Variants in PELI2 observed in about 807,000 individuals in gnomAD.
PELI2 encodes E3 ubiquitin-protein ligase pellino homolog 2.
In PELI2, 23 loss-of-function variants were observed where a neutral mutation model predicts 42.3. The ratio of observed to expected loss-of-function variants is 0.54; its 90% CI spans 0.39 to 0.77. PELI2 has a LOEUF of 0.77. Among genes scored for constraint, PELI2 ranks in the 30% least tolerant of loss-of-function variants. The pLI, the probability that PELI2 is intolerant of heterozygous loss-of-function variation, is 0.00. For missense variants in PELI2, 463 were observed against 553.2 expected (o/e 0.84, Z 1.64); for synonymous variants, 245 against 212.2 (o/e 1.15, Z -1.34).
intron 1 of PELI2, among the ~76,000 whole-genome samples, chr14:56,154,039 C>T (rs138457827): frequency 6.6e-6 from 1 of 152,062 alleles, no homozygotes; most frequent in African/African-American, 2.4e-5. Context: ...TTTAAATATA[C>T]TCAATATAGA....
At chr14:56,215,352 A>G (rs1429088304) in intron 2 of PELI2, among the ~76,000 whole-genome samples, 1 of 152,194 alleles carries the variant, frequency 6.6e-6, no homozygotes, top group Non-Finnish European at 1.5e-5. Flanking sequence ...CTGTAGCGAA[A>G]CATAACACAC....
intron 5 of PELI2, among the ~76,000 whole-genome samples, chr14:56,293,654 G>A (rs951560315): frequency 6.6e-6 from 1 of 152,152 alleles, no homozygotes; most frequent in African/African-American, 2.4e-5. Context: ...CTAATTGCAT[G>A]GTCTGGAGGA....
chr14:56,190,186 C>T (rs2139686372), intron 2 of PELI2, among the ~76,000 whole-genome samples: 1 of 152,278 alleles, frequency 6.6e-6, no homozygotes, highest in East Asian at 1.9e-4. Flanking sequence ...ACCACTTCAT[C>T]AGCAGTTTTT....
intron 1 of PELI2, among the ~76,000 whole-genome samples, chr14:56,174,327 T>G (rs1409695467): frequency 6.6e-6 from 1 of 152,244 alleles, no homozygotes; most frequent in Non-Finnish European, 1.5e-5. Flanking sequence ...TTTCTTCCAG[T>G]TCCTCCTGCA....
rs374503506 is a variant in PELI2 at position 56,194,052 on chromosome 14, C to T, written c.207+15588C>T. Among the ~76,000 whole-genome samples the T allele has an allele frequency of 4.6e-5, 7 of 152,174 alleles. No homozygotes were observed. In the East Asian group the frequency reaches 5.8e-4, roughly 13 times the overall value. ...AGAAGTTGATACAAGTCTTTTACAA[C>T]GTTGTTCTTTTTTTAAATCTAGTAA... On this transcript the variant is annotated intron_variant, in intron 2 of 5. Transcript: ENST00000267460.
chr14:56,118,816 G>T, intron 1 of PELI2, 79 bp downstream of exon 1: 1 of 981,314 alleles, frequency 1.0e-6, no homozygotes, highest in South Asian at 1.9e-5. Flanking sequence ...TGGCGGGGTG[G>T]CTCGGTGCTC....
intron 3 of PELI2, among the ~76,000 whole-genome samples, chr14:56,282,547 T>C (rs1456033634): frequency 6.6e-6 from 1 of 152,028 alleles, no homozygotes; most frequent in Non-Finnish European, 1.5e-5. Flanking sequence ...TTTTACACTT[T>C]TCGATTTTTG....
chr14:56,288,334 G>A lies in PELI2; in HGVS notation c.310-103G>A, dbSNP rs372341463. 191 of 821,866 alleles carry A rather than the reference G, an allele frequency of 2.3e-4. 1 individual carries two copies. The East Asian group carries it at 4.5e-3, about 19-fold the overall frequency. 50.9% of individuals were successfully genotyped at this position (821,866 alleles called of 1,614,324 possible). Reference sequence around the variant, plus strand: ...CATTAAATTCTAACCCTCAGAACAAGGATAGTGAATGTTAAAGGAATCCTG... The same window carrying A: ...CATTAAATTCTAACCCTCAGAACAAAGATAGTGAATGTTAAAGGAATCCTG... On this transcript the variant is annotated intron_variant, in intron 3 of 5. Transcript: ENST00000267460. The surrounding 1 kb of genome is among the most constrained non-coding windows in gnomAD (Gnocchi z 4.6).
At chr14:56,264,358 C>T (rs139391370) in intron 2 of PELI2, among the ~76,000 whole-genome samples, 1 of 152,246 alleles carries the variant, frequency 6.6e-6, no homozygotes, top group East Asian at 1.9e-4. Flanking sequence ...GTTAGATTAT[C>T]ATTGTTCAGT....
chr14:56,247,526 C>A (rs1888205700), intron 2 of PELI2, among the ~76,000 whole-genome samples: 1 of 152,088 alleles, frequency 6.6e-6, no homozygotes, highest in Non-Finnish European at 1.5e-5. Context: ...TTACATTTGG[C>A]CTGTTTTTAT....
At chr14:56,190,669 G>A (rs1056833602) in intron 2 of PELI2, among the ~76,000 whole-genome samples, 13 of 152,106 alleles carry the variant, frequency 8.5e-5, no homozygotes, top group African/African-American at 2.9e-4. Context: ...ATTTGTGAGC[G>A]AAATAACCTC....
At position 56,288,851 on chromosome 14, in the gene PELI2, T is replaced by C. The variant is rs1889729682; in HGVS notation, c.507+217T>C. Among the ~76,000 whole-genome samples, 1 of 152,200 alleles carries C rather than the reference T, an allele frequency of 6.6e-6. No individual in the cohort carries two copies. Among genetic ancestry groups the C allele is most frequent in the Admixed American group, 6.5e-5 (1 of 15,284 alleles). ...TCATTATATTTTTTATATTGTAATA[T>C]TTACAGTAAGTACTTTTTTTAAAGT... On this transcript the variant is annotated intron_variant, in intron 4 of 5. Coordinates refer to ENST00000267460, the MANE Select transcript of PELI2 (RefSeq NM_021255.3). This position sits in a 1 kb window ranked among gnomAD's most constrained non-coding sequence, Gnocchi z 4.6.
chr14:56,217,844 A>G (rs145710728), intron 2 of PELI2, among the ~76,000 whole-genome samples: 104 of 152,082 alleles, frequency 6.8e-4, no homozygotes, highest in African/African-American at 2.5e-3. Context: ...ACAGTGTTAT[A>G]CTCACCAGCT....
At position 56,297,208 on chromosome 14, in the gene PELI2, T is replaced by A; in HGVS notation, c.*42T>A. On this transcript the variant is annotated 3_prime_UTR_variant, in exon 6 of 6. Transcript: ENST00000267460. ...CTACGACTTTATTAACAGGTTACTGTGAAGATTTTGCCACTAACTCTAGAT... is the reference window on the plus strand; with the variant it reads ...CTACGACTTTATTAACAGGTTACTGAGAAGATTTTGCCACTAACTCTAGAT... The A allele has an allele frequency of 2.1e-6, 3 of 1,402,332 alleles. No individual in the cohort carries two copies. The highest frequency in any genetic ancestry group is 2.9e-6 in the Non-Finnish European group (3 of 1,024,638). 86.9% of individuals were successfully genotyped at this position (1,402,332 alleles called of 1,614,324 possible).
At chr14:56,226,851 T>G (rs1320489567) in intron 2 of PELI2, among the ~76,000 whole-genome samples, 2 of 152,238 alleles carry the variant, frequency 1.3e-5, no homozygotes, top group Non-Finnish European at 2.9e-5. Context: ...TATTAGCACT[T>G]TAAAAACTCA....
At chr14:56,169,888 A>G (rs1885104412) in intron 1 of PELI2, among the ~76,000 whole-genome samples, 1 of 152,210 alleles carries the variant, frequency 6.6e-6, no homozygotes, top group Admixed American at 6.5e-5. Flanking sequence ...AGGTTAAATA[A>G]TAAGAGGGTT....
In PELI2 at chr14:56,142,475, C is replaced by T. The variant is rs1417394352; in HGVS notation, c.77+23738C>T. Among the ~76,000 whole-genome samples, 3 of 152,282 alleles carry T rather than the reference C, an allele frequency of 2.0e-5. No homozygotes were observed. The East Asian group carries it at 5.8e-4, about 29-fold the overall frequency. On this transcript the variant is annotated intron_variant, in intron 1 of 5. Coordinates refer to ENST00000267460, the MANE Select transcript of PELI2 (RefSeq NM_021255.3). Reference sequence around the variant, plus strand: ...GTAGTATCCCTAACCTAGAACCTGGCAGAGGTCTAGAATATTGTGGGGGCT... The same window carrying T: ...GTAGTATCCCTAACCTAGAACCTGGTAGAGGTCTAGAATATTGTGGGGGCT...
chr14:56,138,052 C>T (rs1883748116), intron 1 of PELI2, among the ~76,000 whole-genome samples: 1 of 152,178 alleles, frequency 6.6e-6, no homozygotes, highest in Admixed American at 6.5e-5. Context: ...GTGCTCGATA[C>T]TCCGCGATGT....
At chr14:56,200,930 T>G (rs1311652571) in intron 2 of PELI2, among the ~76,000 whole-genome samples, 2 of 152,182 alleles carry the variant, frequency 1.3e-5, no homozygotes, top group Non-Finnish European at 1.5e-5. Flanking sequence ...ATTTCACAAG[T>G]TTGTTTGGAT....
Sources: allele counts gnomAD v4.1 joint callset (sites outside exome capture counted in the v4.1 genomes callset), GRCh38; gene constraint gnomAD v4.1.1; non-coding constraint Gnocchi (gnomAD v3.1); transcripts MANE v1.5; gene names NCBI Gene and HGNC (gene_info 2026-07-23, HGNC 2026-07-21).